Variants in LRRK2 observed in about 807,000 individuals in gnomAD.
LRRK2 encodes the protein leucine rich repeat kinase 2, also known as leucine-rich repeat serine/threonine-protein kinase 2.
LRRK2 carries 203 observed loss-of-function variants against 302.6 expected under a neutral mutation model. That is an observed-to-expected ratio of 0.67 (90% confidence interval 0.60 to 0.75). The LOEUF is 0.75. Ranked by LOEUF, LRRK2 falls within the 30% of genes least tolerant of loss-of-function variation. LRRK2 has a pLI of 0.00. For synonymous variants in LRRK2, 1,066 were observed against 1,031.9 expected, an observed-to-expected ratio of 1.03 and a Z score of -0.63; for missense variants, 2,830 against 2,951.0, an observed-to-expected ratio of 0.96 and a Z score of 0.95.
chr12:40,227,318 C>G (rs1940948620), intron 2 of LRRK2, among the ~76,000 whole-genome samples: 1 of 152,080 alleles, frequency 6.6e-6, no homozygotes, highest in Non-Finnish European at 1.5e-5. Flanking sequence ...GGCAACGTTG[C>G]AATTTCTTTC....
At position 40,243,821 on chromosome 12, in the gene LRRK2, A is replaced by G. The variant is rs188283942; in HGVS notation, c.838+140A>G. 1.2e-5 allele frequency: 10 copies of G among 866,110 alleles called. No homozygotes were observed. In the East Asian group the frequency reaches 3.0e-4, roughly 26 times the overall value. 53.7% of individuals were successfully genotyped at this position (866,110 alleles called of 1,614,324 possible). ...ATATTGTAAAATCCCAGAAAAAATA[A>G]ATTAAAACAAAAAGAAAATACTGTA... On this transcript the variant is annotated intron_variant, in intron 7 of 50. Transcript: ENST00000298910.
At chr12:40,348,659 C>T in intron 43 of LRRK2, 150 bp downstream of exon 43, 1 of 626,994 alleles carries the variant, frequency 1.6e-6, no homozygotes, top group Non-Finnish European at 2.7e-6. Context: ...TAATTTTCAC[C>T]ATCCCAGGCA....
chr12:40,295,291 T>G, intron 22 of LRRK2, 136 bp from the exon 23 acceptor site: 1 of 751,404 alleles, frequency 1.3e-6, no homozygotes, highest in East Asian at 2.7e-5. Context: ...GAATGTAAAC[T>G]CCATAGTTTG....
chr12:40,301,870 A>G (rs1439226108), intron 25 of LRRK2, among the ~76,000 whole-genome samples: 2 of 152,046 alleles, frequency 1.3e-5, no homozygotes, highest in African/African-American at 2.4e-5. Flanking sequence ...CTCATACTGC[A>G]TTTCCTTCTT....
chr12:40,339,098 C>A (rs10735934), intron 40 of LRRK2, among the ~76,000 whole-genome samples: 76,892 of 152,022 alleles, frequency 0.51, 19,508 homozygotes, highest in South Asian at 0.59. Context: ...TCTCCAGGCC[C>A]TCATACAATT....
intron 33 of LRRK2, among the ~76,000 whole-genome samples, chr12:40,317,154 C>A (rs1290872260): frequency 6.6e-6 from 1 of 151,956 alleles, no homozygotes; most frequent in Non-Finnish European, 1.5e-5. Context: ...AAGTTCTTCT[C>A]ATTAGCATAG....
intron 5 of LRRK2, among the ~76,000 whole-genome samples, chr12:40,238,710 G>T (rs1255807959): frequency 1.3e-5 from 2 of 152,108 alleles, no homozygotes; most frequent in Non-Finnish European, 2.9e-5. Context: ...TATTTTAAGA[G>T]CCCCTTTTGT....
Position 40,334,996 on chromosome 12 carries a change from C to T in LRRK2, c.5787C>T (p.His1929=), listed in dbSNP as rs1338801620. The change falls in exon 40 of 51, where the codon CAC becomes CAT. Residue 1929 remains histidine (H), a synonymous_variant. Transcript: ENST00000298910. The part of the protein sequence containing the change: ...QELVVLCHLH[H]PSLISLLAAG... ...TTGTGGTGCTTTGCCACCTCCACCA[C>T]CCCAGTTTGATATCTTTGCTGGCAG... The T allele has an allele frequency of 1.2e-6, 2 of 1,614,090 alleles. No individual in the cohort carries two copies. Among genetic ancestry groups the T allele is most frequent in the East Asian group, 2.2e-5 (1 of 44,876 alleles).
chr12:40,356,038 AGTG>A, intron 45 of LRRK2, 74 bp from the exon 46 acceptor site: 2 of 868,748 alleles, frequency 2.3e-6, no homozygotes, highest in Admixed American at 4.2e-5. Context: ...AGTTTAATAA[AGTG>A]GAGGAGAACA....
chr12:40,348,449 T>A lies in LRRK2; in HGVS notation c.6321T>A (p.Val2107=), dbSNP rs2136982127. 1 of 1,612,860 alleles carries A rather than the reference T, an allele frequency of 6.2e-7. No individual in the cohort carries two copies. Among genetic ancestry groups the A allele is most frequent in the East Asian group, 2.2e-5 (1 of 44,780 alleles). ...KEYGCAPWPM[V]EKLIKQCLKE... ...ATGGTTGTGCCCCATGGCCTATGGTTGAGAAATTAATTAAACAGTGTTTGA... is the reference window on the plus strand; with the variant it reads ...ATGGTTGTGCCCCATGGCCTATGGTAGAGAAATTAATTAAACAGTGTTTGA... The change falls in exon 43 of 51, where the codon GTT becomes GTA. Residue 2107 remains valine (V), a synonymous_variant. Coordinates refer to ENST00000298910, the MANE Select transcript of LRRK2 (RefSeq NM_198578.4).
Position 40,278,117 on chromosome 12 carries a change from T to C in LRRK2, c.2097T>C (p.Phe699=), listed in dbSNP as rs200680745. The C allele has an allele frequency of 2.7e-5, 44 of 1,614,022 alleles. 1 individual carries two copies. Among genetic ancestry groups the C allele is most frequent in the Non-Finnish European group, 3.7e-5 (44 of 1,180,014 alleles). The change falls in exon 18 of 51, where the codon TTT becomes TTC. Residue 699 remains phenylalanine, a synonymous_variant. Coordinates refer to ENST00000298910, the MANE Select transcript of LRRK2 (RefSeq NM_198578.4). ...QQFLNLCCKC[F]AKVAMDDYLK... is the part of the protein sequence containing the mutation. ...TTCTAAACCTCTGTTGCAAGTGTTTTGCAAAAGTAGCTATGGATGATTACT... is the reference window on the plus strand; with the variant it reads ...TTCTAAACCTCTGTTGCAAGTGTTTCGCAAAAGTAGCTATGGATGATTACT...
Position 40,367,887 on chromosome 12 carries a change from G to A in LRRK2, c.*122G>A. 1 of 778,926 alleles carries A rather than the reference G, an allele frequency of 1.3e-6. No homozygotes were observed. Among genetic ancestry groups the A allele is most frequent in the Non-Finnish European group, 1.9e-6 (1 of 518,796 alleles). The allele number at this position is 778,926 out of a possible 1,614,324, so 48.3% of individuals were successfully genotyped here. A position where few individuals can be genotyped will look rare whatever the true frequency, so the allele number is the denominator to read the frequency against. Reference sequence around the variant, plus strand: ...TTTGAAATAGCTCGTGTGTATGAAGGAATGTTATTATTTTTAATTTAAATA... The same window carrying A: ...TTTGAAATAGCTCGTGTGTATGAAGAAATGTTATTATTTTTAATTTAAATA... On this transcript the variant is annotated 3_prime_UTR_variant, in exon 51 of 51. Transcript: ENST00000298910.
rs35173587 is a variant in LRRK2 at position 40,284,011 on chromosome 12, G to T, written c.2378G>T (p.Arg793Met). 1,334 of 1,614,010 alleles carry T rather than the reference G, an allele frequency of 8.3e-4. 2 individuals are homozygous for T. Among genetic ancestry groups the T allele is most frequent in the Admixed American group, 1.2e-3 (73 of 60,000 alleles). The change falls in exon 19 of 51, where the codon AGG becomes ATG. Residue 793 changes from arginine (R) to methionine (M), a missense_variant. By Grantham distance (91) the Arg-to-Met change is moderately conservative. Around this residue, in one of 3 missense-constraint regions of LRRK2, gnomAD observed 2,121 missense variants for 2,148.0 expected, o/e 0.99. Coordinates refer to ENST00000298910, the MANE Select transcript of LRRK2 (RefSeq NM_198578.4). ...DSQIISLLLR[R>M]LALDVANNSI... The stretch of plus-strand genomic sequence containing the variant: ...CAGATCATCAGCTTGCTCTTAAGGA[G>T]GCTGGCCCTGGATGTGGCCAACAAT...
intron 11 of LRRK2, 94 bp downstream of exon 11, chr12:40,253,110 T>C: frequency 1.3e-6 from 1 of 792,794 alleles, no homozygotes; most frequent in Non-Finnish European, 2.1e-6. Context: ...TTTACATAAT[T>C]TATAAAGCTA....
Position 40,283,969 on chromosome 12 carries a change from T to C in LRRK2, c.2336T>C (p.Ile779Thr), listed in dbSNP as rs199585357. 4 of 1,613,824 alleles carry C rather than the reference T, an allele frequency of 2.5e-6. No homozygotes were observed. Among genetic ancestry groups the C allele is most frequent in the Admixed American group, 1.7e-5 (1 of 59,988 alleles). The change falls in exon 19 of 51, where the codon ATT becomes ACT. Residue 779 changes from isoleucine to threonine, a missense_variant. By Grantham distance (89) the Ile-to-Thr change is moderately conservative. This residue lies in a region of LRRK2 where 2,121 missense variants were observed against 2,148.0 expected (regional missense o/e 0.99). Transcript: ENST00000298910. Reference protein sequence around the residue: ...QDVRKALTISIGKGDSQIISL... With the variant: ...QDVRKALTISTGKGDSQIISL... ...GTACGAAAAGCGTTGACGATAAGCA[T>C]TGGGAAAGGTGACAGCCAGATCATC...
At chr12:40,287,262 A>C in intron 19 of LRRK2, 89 bp from the exon 20 acceptor site, 1 of 1,114,048 alleles carries the variant, frequency 9.0e-7, no homozygotes, top group Non-Finnish European at 1.3e-6. Context: ...CTCCAGAAGC[A>C]TAGCAATACG....
intron 20 of LRRK2, among the ~76,000 whole-genome samples, chr12:40,290,275 G>A (rs1944092146): frequency 6.6e-6 from 1 of 151,882 alleles, no homozygotes; most frequent in Non-Finnish European, 1.5e-5. Flanking sequence ...AATCTCACTT[G>A]GTTATGGTAC....
intron 47 of LRRK2, among the ~76,000 whole-genome samples, chr12:40,362,520 T>C (rs946988550): frequency 6.6e-6 from 1 of 152,042 alleles, no homozygotes; most frequent in Non-Finnish European, 1.5e-5. Context: ...GTCCTCATCC[T>C]TATGAAATTA....
In LRRK2 at chr12:40,367,164, A is replaced by G. The variant is rs563508336; in HGVS notation, c.7462+87A>G. ...TATGTGTTTCATAAATTTGTAGAAA[A>G]TATTACATATGGTATAATCAGGAAT... On this transcript the variant is annotated intron_variant, in intron 50 of 50. Transcript: ENST00000298910. 9.6e-5 allele frequency: 102 copies of G among 1,067,828 alleles called. No individual in the cohort carries two copies. In the African/African-American group the frequency reaches 1.5e-3, roughly 16 times the overall value. 66.1% of individuals were successfully genotyped at this position (1,067,828 alleles called of 1,614,324 possible).
Sources: gnomAD v4.1 joint callset for allele counts (sites outside exome capture counted in the v4.1 genomes callset) on GRCh38, gnomAD v4.1.1 for gene constraint, gnomAD v4.1.1 regional missense constraint, MANE v1.5 for transcripts, NCBI Gene and HGNC (gene_info 2026-07-23, HGNC 2026-07-21) for gene names.